The following FNBP4 variants were observed in gnomAD, a reference collection of about 807,000 sequenced individuals.
FNBP4 encodes formin-binding protein 4.
A neutral mutation model predicts 119.3 loss-of-function variants in FNBP4; 34 were observed. The ratio of observed to expected loss-of-function variants is 0.28; its 90% CI spans 0.22 to 0.38. FNBP4 has a LOEUF of 0.38. Among genes scored for constraint, FNBP4 ranks in the 10% least tolerant of loss-of-function variants. FNBP4 has a pLI of 1.00. For missense variants in FNBP4, 1,112 were observed against 1,228.9 expected (o/e 0.90, Z 1.42); for synonymous variants, 462 against 430.6 (o/e 1.07, Z -0.90).
At chr11:47,719,883 A>C (rs1278739346) in intron 16 of FNBP4, 46 bp downstream of exon 16, 11 of 1,600,898 alleles carry the variant, frequency 6.9e-6, no homozygotes, top group Non-Finnish European at 9.4e-6. Context: ...AGTAGGTCTC[A>C]ACCTACTCCA....
intron 7 of FNBP4, 97 bp from the exon 8 acceptor site, chr11:47,744,260 C>A (rs575890709): frequency 6.0e-6 from 7 of 1,163,750 alleles, no homozygotes; most frequent in African/African-American, 4.7e-5. Context: ...AATTTAAATT[C>A]TTTGAGAACA....
intron 6 of FNBP4, among the ~76,000 whole-genome samples, chr11:47,750,380 T>TAAA (rs2097599657): frequency 1.3e-3 from 1 of 748 alleles, no homozygotes; most frequent in African/African-American, 1.9e-3. Context: ...AGACTCCATA[T>TAAA]CAAAAAAAAA....
At chr11:47,754,851 T>G (rs1467233365) in intron 2 of FNBP4, among the ~76,000 whole-genome samples, 187 bp from the exon 3 acceptor site, 1 of 151,954 alleles carries the variant, frequency 6.6e-6, no homozygotes, top group African/African-American at 2.4e-5. Context: ...TAATAAAAAT[T>G]GATCTATAGG....
chr11:47,749,750 C>A (rs910917619), intron 6 of FNBP4, among the ~76,000 whole-genome samples: 1 of 152,094 alleles, frequency 6.6e-6, no homozygotes, highest in African/African-American at 2.4e-5. Context: ...CGTTTGAGCA[C>A]TGACATGATG....
chr11:47,756,219 G>T (rs1481928733), intron 2 of FNBP4, among the ~76,000 whole-genome samples: 1 of 152,042 alleles, frequency 6.6e-6, no homozygotes, highest in Non-Finnish European at 1.5e-5. Context: ...GCTACTCCAA[G>T]ATTACAATTA....
Position 47,723,384 on chromosome 11 carries a change from A to G in FNBP4, c.2465-68T>C, listed in dbSNP as rs967504669. The G allele has an allele frequency of 5.3e-6, 8 of 1,521,436 alleles. No homozygotes were observed. In the East Asian group the frequency reaches 1.8e-4, roughly 35 times the overall value. 94.2% of individuals were successfully genotyped at this position (1,521,436 alleles called of 1,614,324 possible). ...TGACAAGAACAGATGCAATGAAAAGAGAAGTGGGGATTAGATCACATAGAA... is the reference window on the plus strand; with the variant it reads ...TGACAAGAACAGATGCAATGAAAAGGGAAGTGGGGATTAGATCACATAGAA... On this transcript the variant is annotated intron_variant, in intron 14 of 16. Coordinates refer to ENST00000263773, the MANE Select transcript of FNBP4 (RefSeq NM_015308.5).
At chr11:47,729,433 A>G (rs2097564927) in intron 12 of FNBP4, 1 of 985,182 alleles carries the variant, frequency 1.0e-6, no homozygotes, top group South Asian at 4.7e-5. Flanking sequence ...ACAACAAATA[A>G]TGATTAAAAA....
intron 8 of FNBP4, among the ~76,000 whole-genome samples, chr11:47,737,849 T>TA (rs200710531): frequency 0.021 from 3,227 of 150,318 alleles, 43 homozygotes; most frequent in Non-Finnish European, 0.033. Context: ...CAGGTTCAAG[T>TA]GATTCTCCTA....
chr11:47,721,162 A>G (rs1321956470), intron 15 of FNBP4, among the ~76,000 whole-genome samples: 20 of 151,968 alleles, frequency 1.3e-4, no homozygotes, highest in Non-Finnish European at 1.5e-5. Context: ...TCTACTAAAA[A>G]TACAAAACAT....
intron 8 of FNBP4, among the ~76,000 whole-genome samples, chr11:47,738,867 T>TTTTTTTTTTTTTTTTTTTTTTTTTTTTG (rs2097577870): frequency 4.4e-5 from 1 of 22,928 alleles, no homozygotes; most frequent in Non-Finnish European, 8.3e-5. Context: ...TTTTTTTTTT[T>TTTTTTTTTTTTTTTTTTTTTTTTTTTTG]TTTTTTTTTT....
chr11:47,743,808 G>A (rs1177084869), intron 8 of FNBP4, 145 bp downstream of exon 8: 2 of 710,270 alleles, frequency 2.8e-6, no homozygotes, highest in South Asian at 1.9e-5. Context: ...AGGTAGAGAG[G>A]TGGATGGAAG....
intron 6 of FNBP4, among the ~76,000 whole-genome samples, chr11:47,750,053 A>G (rs946297784): frequency 3.3e-5 from 5 of 152,082 alleles, no homozygotes; most frequent in African/African-American, 1.2e-4. Context: ...ATGATCCAAG[A>G]GGCCTCTGTG....
At chr11:47,741,089 G>A (rs1203273903) in intron 8 of FNBP4, among the ~76,000 whole-genome samples, 10 of 150,542 alleles carry the variant, frequency 6.6e-5, no homozygotes, top group Non-Finnish European at 1.2e-4. Flanking sequence ...GGCTGGTCTC[G>A]AACTCCTGAC....
At chr11:47,723,428 T>G in intron 14 of FNBP4, 112 bp from the exon 15 acceptor site, 1 of 1,471,766 alleles carries the variant, frequency 6.8e-7, no homozygotes. Flanking sequence ...CAATATATCC[T>G]TTTCTAAAAA....
chr11:47,718,635 T>C (rs758998578), intron 16 of FNBP4, among the ~76,000 whole-genome samples: 53 of 152,224 alleles, frequency 3.5e-4, no homozygotes, highest in Admixed American at 3.3e-4. Context: ...AGCTAGAACC[T>C]ATCAGAGATT....
intron 2 of FNBP4, among the ~76,000 whole-genome samples, chr11:47,760,795 G>A (rs1004340279): frequency 6.6e-6 from 1 of 152,050 alleles, no homozygotes; most frequent in Non-Finnish European, 1.5e-5. Flanking sequence ...AACTCTTGAC[G>A]TCAGGTGATC....
At chr11:47,743,857 A>G in intron 8 of FNBP4, 96 bp downstream of exon 8, 1 of 1,079,078 alleles carries the variant, frequency 9.3e-7, no homozygotes, top group Non-Finnish European at 1.4e-6. Context: ...TAAAAGTACA[A>G]TCTCCTGTTT....
At chr11:47,723,385 GA>G in intron 14 of FNBP4, 69 bp from the exon 15 acceptor site, 1 of 1,520,542 alleles carries the variant, frequency 6.6e-7, no homozygotes, top group Non-Finnish European at 8.8e-7. Flanking sequence ...AATGAAAAGA[GA>G]AGTGGGGATT....
At chr11:47,744,744 T>A (rs952651430) in intron 7 of FNBP4, among the ~76,000 whole-genome samples, 2 of 152,206 alleles carry the variant, frequency 1.3e-5, no homozygotes, top group Non-Finnish European at 2.9e-5. Flanking sequence ...TAATCCAACT[T>A]CATTCTTTAA....
Sources: allele counts gnomAD v4.1 joint callset (sites outside exome capture counted in the v4.1 genomes callset), GRCh38; gene constraint gnomAD v4.1.1; transcripts MANE v1.5; gene names NCBI Gene and HGNC (gene_info 2026-07-23, HGNC 2026-07-21).